Variants in EPB41L4B observed in about 807,000 individuals in gnomAD.
EPB41L4B encodes the protein band 4.1-like protein 4B.
EPB41L4B carries 30 observed loss-of-function variants against 112.5 expected under a neutral mutation model. The observed-to-expected ratio is 0.27, with a 90% CI of 0.20 to 0.36. The LOEUF (loss-of-function observed/expected upper bound fraction) is 0.36. Among genes scored for constraint, EPB41L4B ranks in the 10% least tolerant of loss-of-function variants. The pLI is 1.00. For synonymous variants in EPB41L4B, 408 were observed against 439.7 expected (o/e 0.93, Z 0.90); for missense variants, 1,024 against 1,133.3 (o/e 0.90, Z 1.38).
intron 15 of EPB41L4B, among the ~76,000 whole-genome samples, chr9:109,238,308 T>A (rs1834222377): frequency 6.6e-6 from 1 of 152,174 alleles, no homozygotes; most frequent in Non-Finnish European, 1.5e-5. Flanking sequence ...AGAACACAGC[T>A]GACACACTGA....
intron 14 of EPB41L4B, among the ~76,000 whole-genome samples, chr9:109,245,752 A>C (rs1402456154): frequency 6.6e-6 from 1 of 152,222 alleles, no homozygotes; most frequent in Non-Finnish European, 1.5e-5. Context: ...GCCACTTCTC[A>C]GGACGTTCTC....
At chr9:109,285,752 C>T (rs893316114) in intron 1 of EPB41L4B, among the ~76,000 whole-genome samples, 1 of 152,122 alleles carries the variant, frequency 6.6e-6, no homozygotes, top group Admixed American at 6.5e-5. Context: ...AGGTAACTTA[C>T]TTTGCCTGCA....
chr9:109,301,038 T>C (rs1299210058), intron 1 of EPB41L4B: 1 of 152,212 alleles, frequency 6.6e-6, no homozygotes, highest in African/African-American at 2.4e-5. Flanking sequence ...CAACCTGTAA[T>C]TTTACATATG....
chr9:109,315,641 G>A (rs1837605515), intron 1 of EPB41L4B, among the ~76,000 whole-genome samples: 1 of 152,114 alleles, frequency 6.6e-6, no homozygotes, highest in African/African-American at 2.4e-5. Flanking sequence ...TCACTTTATA[G>A]CCACAGACCA....
chr9:109,306,608 A>G (rs1204455189), intron 1 of EPB41L4B, among the ~76,000 whole-genome samples: 1 of 1,310 alleles, frequency 7.6e-4, no homozygotes, highest in East Asian at 0.5. Flanking sequence ...GCGAGCAAAA[A>G]AACAAACAAA....
chr9:109,309,951 A>G (rs1038946937), intron 1 of EPB41L4B, among the ~76,000 whole-genome samples: 1 of 152,016 alleles, frequency 6.6e-6, no homozygotes, highest in Non-Finnish European at 1.5e-5. Flanking sequence ...TGCTGTGGGG[A>G]CTCTGGAAAA....
chr9:109,183,758 C>A (rs1266822034), intron 23 of EPB41L4B, among the ~76,000 whole-genome samples: 1 of 152,236 alleles, frequency 6.6e-6, no homozygotes, highest in African/African-American at 2.4e-5. Context: ...AAGGCCACCA[C>A]TGCCCAGGGG....
At chr9:109,311,763 G>C (rs183894676) in intron 1 of EPB41L4B, among the ~76,000 whole-genome samples, 1 of 152,210 alleles carries the variant, frequency 6.6e-6, no homozygotes, top group African/African-American at 2.4e-5. Context: ...GGTGTGCACA[G>C]CATGGGCTGA....
intron 6 of EPB41L4B, 60 bp downstream of exon 6, chr9:109,262,990 A>C (rs1032810180): frequency 1.9e-5 from 23 of 1,197,976 alleles, no homozygotes; most frequent in Non-Finnish European, 2.8e-5. Context: ...GTGGACACTC[A>C]TTTGTTGAAA....
rs1837851286 is a variant in EPB41L4B, at chr9:109,320,869, G to C, written c.-423C>G. The C allele has an allele frequency of 6.8e-6, 1 of 147,478 alleles. No homozygotes were observed. Among genetic ancestry groups the C allele is most frequent in the South Asian group, 1.8e-4 (1 of 5,564 alleles). The allele number at this position is 147,478 out of a possible 1,614,324, so 9.1% of individuals were successfully genotyped here. ...GGCCGAGGGCCAGCCGGAGCAGGGC[G>C]CCTGCGTGGTCCTGGCGCGCTCGCT... On this transcript the variant is annotated 5_prime_UTR_variant, in exon 1 of 26. Transcript: ENST00000374566.
intron 1 of EPB41L4B, among the ~76,000 whole-genome samples, chr9:109,319,501 GT>G (rs1420066735): frequency 1.3e-5 from 2 of 152,228 alleles, no homozygotes; most frequent in Non-Finnish European, 2.9e-5. Flanking sequence ...TAGCTCCCAA[GT>G]CACCCTACCC....
At chr9:109,259,072 G>A (rs1835098310) in intron 6 of EPB41L4B, among the ~76,000 whole-genome samples, 1 of 152,010 alleles carries the variant, frequency 6.6e-6, no homozygotes, top group Admixed American at 6.6e-5. Context: ...GAATGAAAAG[G>A]AATCCTCTAG....
chr9:109,198,344 T>C (rs184033830), intron 20 of EPB41L4B, among the ~76,000 whole-genome samples: 2 of 152,296 alleles, frequency 1.3e-5, no homozygotes, highest in African/African-American at 2.4e-5. Flanking sequence ...GGCCAGGGTA[T>C]TGGGGCTTTA....
Position 109,258,232 on chromosome 9 carries a change from G to T in EPB41L4B, c.697C>A (p.Pro233Thr), listed in dbSNP as rs762564164. 1 of 1,614,030 alleles carries T rather than the reference G, an allele frequency of 6.2e-7. No individual in the cohort carries two copies. The highest frequency in any genetic ancestry group is 8.5e-7 in the Non-Finnish European group (1 of 1,179,902). The change falls in exon 7 of 26, where the codon CCA becomes ACA. Residue 233 changes from proline (P) to threonine (T), a missense_variant. Physicochemically the swap from Pro to Thr is conservative, Grantham distance 38 (BLOSUM62 -1). Transcript: ENST00000374566. Reference protein sequence around the residue: ...PELVSEFRFIPNQTEAMEFDI... With the variant: ...PELVSEFRFITNQTEAMEFDI... ...AATTCCATTGCTTCTGTCTGATTTG[G>T]AATGAACCGAAACTCAGACACAAGC...
chr9:109,310,730 T>C (rs951707060), intron 1 of EPB41L4B, among the ~76,000 whole-genome samples: 11 of 152,218 alleles, frequency 7.2e-5, no homozygotes, highest in Admixed American at 1.3e-4. Context: ...AAGTCTCTGG[T>C]GGCAGTGCCA....
chr9:109,300,151 T>A (rs1040903335), intron 1 of EPB41L4B: 1 of 152,064 alleles, frequency 6.6e-6, no homozygotes, highest in Non-Finnish European at 1.5e-5. Context: ...GTGCCAGAGG[T>A]AAGAAGCTAA....
At chr9:109,290,590 G>A (rs947401443) in intron 1 of EPB41L4B, among the ~76,000 whole-genome samples, 1 of 151,946 alleles carries the variant, frequency 6.6e-6, no homozygotes, top group Non-Finnish European at 1.5e-5. Context: ...TTCCCAGAAG[G>A]CACCAACCTC....
rs143690756 is a variant in EPB41L4B at position 109,303,641 on chromosome 9, C to A, written c.306+16500G>T. ...GTACTGGGATCACAGGTGTGAGCCA[C>A]CATGCCTGGCTGGGTTTTTTTTCTT... On this transcript the variant is annotated intron_variant, in intron 1 of 25. Transcript: ENST00000374566. Among the ~76,000 whole-genome samples the A allele has an allele frequency of 4.5e-3, 683 of 152,214 alleles. 5 individuals carry two copies. The highest frequency in any genetic ancestry group is 0.02 in the South Asian group (94 of 4,814).
At chr9:109,236,821 C>T (rs1315547107) in intron 15 of EPB41L4B, among the ~76,000 whole-genome samples, 2 of 152,152 alleles carry the variant, frequency 1.3e-5, no homozygotes, top group Non-Finnish European at 2.9e-5. Flanking sequence ...TTTTTCTCTC[C>T]GCCCCCTTAT....
Sources: allele counts gnomAD v4.1 joint callset (sites outside exome capture counted in the v4.1 genomes callset), GRCh38; gene constraint gnomAD v4.1.1; transcripts MANE v1.5; gene names NCBI Gene and HGNC (gene_info 2026-07-23, HGNC 2026-07-21).